TRAM2: variants seen among roughly 807,000 people sequenced by gnomAD.
TRAM2 encodes translocating chain-associated membrane protein 2.
TRAM2 carries 12 observed loss-of-function variants against 51.0 expected under a neutral mutation model. The observed-to-expected ratio is 0.24, with a 90% CI of 0.15 to 0.38. The LOEUF (loss-of-function observed/expected upper bound fraction) is 0.38. Among genes scored for constraint, TRAM2 ranks in the 10% least tolerant of loss-of-function variants. The pLI, the probability that TRAM2 is intolerant of heterozygous loss-of-function variation, is 1.00. For synonymous variants in TRAM2, 175 were observed against 179.4 expected (o/e 0.98, Z 0.20); for missense variants, 361 against 462.0 (o/e 0.78, Z 2.00).
At chr6:52,531,132 A>AAAAG in intron 2 of TRAM2, among the ~76,000 whole-genome samples, 1 of 151,610 alleles carries the variant, frequency 6.6e-6, no homozygotes, top group Non-Finnish European at 1.5e-5. Context: ...AAAAAAAAAA[A>AAAAG]AAAAAAAAGG....
At chr6:52,508,430 G>C in intron 5 of TRAM2, 112 bp from the exon 6 acceptor site, 1 of 1,037,746 alleles carries the variant, frequency 9.6e-7, no homozygotes, top group African/African-American at 1.6e-5. Flanking sequence ...GTGAGGAGCT[G>C]GTCCAGGAGC....
chr6:52,554,396 T>C (rs1244635966), intron 1 of TRAM2, among the ~76,000 whole-genome samples: 1 of 151,788 alleles, frequency 6.6e-6, no homozygotes, highest in Non-Finnish European at 1.5e-5. Flanking sequence ...GGTGCGTGTC[T>C]GTAATCCCAG....
rs1251522557 is a variant in TRAM2 at position 52,507,575 on chromosome 6, T to C, written c.604A>G (p.Ile202Val). ...CACTTTAAGAGGTATGCTCCAGCTA[T>C]ATGCACCAGGTACAGGCAAATATAC... ...LQYICLYLVH[I>V]AGAYLLNLSR... The change falls in exon 7 of 11, where the codon ATA (isoleucine) becomes GTA (valine). Residue 202 changes from isoleucine to valine, a missense_variant. Physicochemically the swap from Ile to Val is conservative, Grantham distance 29. Coordinates refer to ENST00000182527, the MANE Select transcript of TRAM2 (RefSeq NM_012288.4). 6.2e-7 allele frequency: 1 copy of C among 1,614,070 alleles called. No individual in the cohort carries two copies. Among genetic ancestry groups the C allele is most frequent in the Admixed American group, 1.7e-5 (1 of 59,998 alleles).
intron 1 of TRAM2, among the ~76,000 whole-genome samples, chr6:52,541,755 T>C (rs1767084774): frequency 1.3e-5 from 2 of 151,778 alleles, no homozygotes; most frequent in South Asian, 4.2e-4. Context: ...GAAAGCAGTT[T>C]CATGGCTTCT....
chr6:52,514,203 AGAGT>A (rs1766501089), intron 4 of TRAM2, among the ~76,000 whole-genome samples: 1 of 152,242 alleles, frequency 6.6e-6, no homozygotes, highest in South Asian at 2.1e-4. Context: ...ATGACTGTGG[AGAGT>A]GAGAGAAAGA....
chr6:52,563,853 T>TA (rs1366398286), intron 1 of TRAM2, among the ~76,000 whole-genome samples: 15 of 64,648 alleles, frequency 2.3e-4, no homozygotes, highest in African/African-American at 6.0e-4. Flanking sequence ...AAACACTTAT[T>TA]TTTTTTTTTT....
chr6:52,551,758 C>A (rs902284379), intron 1 of TRAM2, among the ~76,000 whole-genome samples: 1 of 152,154 alleles, frequency 6.6e-6, no homozygotes, highest in Non-Finnish European at 1.5e-5. Context: ...CAGAGGGGGT[C>A]TGCAGGGGTC....
intron 4 of TRAM2, among the ~76,000 whole-genome samples, chr6:52,511,443 C>A (rs901165802): frequency 6.6e-6 from 1 of 152,170 alleles, no homozygotes; most frequent in African/African-American, 2.4e-5. Flanking sequence ...GGGCCACAAG[C>A]CTTCTGGTCC....
intron 1 of TRAM2, among the ~76,000 whole-genome samples, chr6:52,569,120 C>G (rs977174169): frequency 5.9e-5 from 9 of 152,208 alleles, no homozygotes; most frequent in Middle Eastern, 3.2e-3. Flanking sequence ...CAGGGCCAGG[C>G]ACGGTGGCTC....
rs1167709024 is a variant in TRAM2, at chr6:52,498,437, A to T, written c.*4760T>A. On this transcript the variant is annotated 3_prime_UTR_variant, in exon 11 of 11. Transcript: ENST00000182527. The stretch of plus-strand genomic sequence containing the variant: ...GTAAAAGTAAACACCTTTATCATAT[A>T]AACTTTGGGCTGAATGGGAAGCAAA... 6.6e-6 allele frequency: 1 copy of T among 152,248 alleles called. No individual in the cohort carries two copies. The highest frequency in any genetic ancestry group is 1.5e-5 in the Non-Finnish European group (1 of 68,056). The allele number at this position is 152,248 out of a possible 1,614,324, so 9.4% of individuals were successfully genotyped here.
At chr6:52,575,095 C>T (rs1767741544) in intron 1 of TRAM2, among the ~76,000 whole-genome samples, 1 of 152,236 alleles carries the variant, frequency 6.6e-6, no homozygotes, top group African/African-American at 2.4e-5. Flanking sequence ...TTTTGTTAAG[C>T]TATTATTATG....
intron 1 of TRAM2, among the ~76,000 whole-genome samples, chr6:52,574,524 G>A (rs570292914): frequency 1.3e-5 from 2 of 152,310 alleles, no homozygotes; most frequent in South Asian, 4.1e-4. Flanking sequence ...ACCTCCAAAA[G>A]AAGGAGACAC....
At chr6:52,514,479 T>A (rs1766508525) in intron 4 of TRAM2, among the ~76,000 whole-genome samples, 1 of 152,034 alleles carries the variant, frequency 6.6e-6, no homozygotes, top group Non-Finnish European at 1.5e-5. Context: ...CTTCCCAGAA[T>A]AAAAAACTGT....
At chr6:52,531,725 A>G (rs572306869) in intron 2 of TRAM2, among the ~76,000 whole-genome samples, 1 of 151,594 alleles carries the variant, frequency 6.6e-6, no homozygotes, top group Non-Finnish European at 1.5e-5. Flanking sequence ...ACACAACACA[A>G]CCCCCACACT....
intron 1 of TRAM2, among the ~76,000 whole-genome samples, chr6:52,573,607 T>C (rs964651267): frequency 1.3e-5 from 2 of 152,016 alleles, no homozygotes; most frequent in South Asian, 2.1e-4. Flanking sequence ...TAAACCAAAA[T>C]TGGGGTAGCA....
chr6:52,526,245 A>G (rs1281006743), intron 2 of TRAM2, among the ~76,000 whole-genome samples: 1 of 151,870 alleles, frequency 6.6e-6, no homozygotes, highest in Non-Finnish European at 1.5e-5. Context: ...CTTCAGAGTT[A>G]CCATTTTAAC....
intron 1 of TRAM2, among the ~76,000 whole-genome samples, chr6:52,546,599 G>A (rs1225727975): frequency 6.6e-6 from 1 of 152,210 alleles, no homozygotes; most frequent in Non-Finnish European, 1.5e-5. Flanking sequence ...GCCAAAAGTG[G>A]TGCTCAGGTC....
intron 1 of TRAM2, among the ~76,000 whole-genome samples, chr6:52,557,540 T>A (rs1767431159): frequency 6.6e-6 from 1 of 152,148 alleles, no homozygotes; most frequent in Admixed American, 6.5e-5. Context: ...CGGTAAAGAA[T>A]CAGACAATCT....
intron 1 of TRAM2, among the ~76,000 whole-genome samples, chr6:52,548,941 G>T (rs1254094669): frequency 1.3e-5 from 2 of 152,182 alleles, no homozygotes; most frequent in African/African-American, 4.8e-5. Flanking sequence ...GAGATTTCTG[G>T]ACCTTCTCTG....
Sources: gnomAD v4.1 joint callset for allele counts (sites outside exome capture counted in the v4.1 genomes callset) on GRCh38, gnomAD v4.1.1 for gene constraint, MANE v1.5 for transcripts, NCBI Gene and HGNC (gene_info 2026-07-23, HGNC 2026-07-21) for gene names.